SEMA6D: variants seen among roughly 807,000 people sequenced by gnomAD.
The protein encoded by SEMA6D is semaphorin 6D.
A neutral mutation model predicts 106.6 loss-of-function variants in SEMA6D; 35 were observed. The ratio of observed to expected loss-of-function variants is 0.33; its 90% CI spans 0.25 to 0.44. SEMA6D has a LOEUF of 0.44. Among genes scored for constraint, SEMA6D ranks in the 20% least tolerant of loss-of-function variants. SEMA6D has a pLI of 1.00. For missense variants in SEMA6D, 1,185 were observed against 1,345.9 expected (o/e 0.88, Z 1.87); for synonymous variants, 499 against 487.7 (o/e 1.02, Z -0.31).
At position 47,658,018 on chromosome 15, in the gene SEMA6D, G is replaced by A. The variant is rs2077837820; in HGVS notation, c.-55+57122G>A. ...GCCTCCCAAAGTGCTGGGATTACAA[G>A]CGTGAGCCACCACGCCCAGCAGGGC... On this transcript the variant is annotated intron_variant, in intron 4 of 19. Transcript: ENST00000558014. Among the ~76,000 whole-genome samples the A allele has an allele frequency of 2.0e-5, 3 of 151,782 alleles. No homozygotes were observed. The South Asian group carries it at 6.2e-4, about 32-fold the overall frequency.
At chr15:47,732,291 A>G (rs1445605380) in intron 1 of SEMA6D, among the ~76,000 whole-genome samples, 1 of 152,224 alleles carries the variant, frequency 6.6e-6, no homozygotes, top group East Asian at 1.9e-4. Flanking sequence ...CAAAGTCATC[A>G]AAGACTCAGG....
At chr15:47,185,879 G>GA (rs1193700282) in intron 1 of SEMA6D, 1 of 151,880 alleles carries the variant, frequency 6.6e-6, no homozygotes, top group Non-Finnish European at 1.5e-5. Context: ...ATTTTGCTGG[G>GA]AAAAAAATGC....
chr15:47,236,412 A>G (rs1334567764), intron 1 of SEMA6D, among the ~76,000 whole-genome samples: 2 of 152,114 alleles, frequency 1.3e-5, no homozygotes, highest in African/African-American at 4.8e-5. Flanking sequence ...CTAAGTATTT[A>G]ATATTATGAC....
At chr15:47,762,864 C>T (rs1431385435) in intron 8 of SEMA6D, 152 bp from the exon 9 acceptor site, 1 of 577,924 alleles carries the variant, frequency 1.7e-6, no homozygotes, top group Admixed American at 3.2e-5. Flanking sequence ...TGAACACACC[C>T]ATATTGGGAC....
intron 1 of SEMA6D, among the ~76,000 whole-genome samples, chr15:47,258,263 T>C (rs2033907022): frequency 6.6e-6 from 1 of 152,198 alleles, no homozygotes; most frequent in South Asian, 2.1e-4. Context: ...AGATAATTAT[T>C]AATATGTTAG....
intron 1 of SEMA6D, among the ~76,000 whole-genome samples, chr15:47,248,272 C>T (rs1283390558): frequency 3.3e-5 from 5 of 152,148 alleles, no homozygotes; most frequent in African/African-American, 9.7e-5. Flanking sequence ...AAAAACTATT[C>T]AGGAAAGACA....
chr15:47,380,290 T>G (rs1462949390), intron 1 of SEMA6D, among the ~76,000 whole-genome samples: 1 of 152,224 alleles, frequency 6.6e-6, no homozygotes, highest in African/African-American at 2.4e-5. Context: ...TCTCTCTTCT[T>G]TCTAATGACT....
At chr15:47,323,992 A>G (rs1346379947) in intron 1 of SEMA6D, among the ~76,000 whole-genome samples, 3 of 152,084 alleles carry the variant, frequency 2.0e-5, no homozygotes, top group African/African-American at 7.2e-5. Flanking sequence ...TGGCAAAAAA[A>G]AAAAAAAATC....
intron 4 of SEMA6D, among the ~76,000 whole-genome samples, chr15:47,641,199 G>A (rs1294395252): frequency 1.3e-5 from 2 of 152,086 alleles, no homozygotes; most frequent in Non-Finnish European, 2.9e-5. Flanking sequence ...ACTAATGAAT[G>A]GCCATGGCCA....
chr15:47,304,315 G>A (rs181537860), intron 1 of SEMA6D, among the ~76,000 whole-genome samples: 4 of 151,618 alleles, frequency 2.6e-5, no homozygotes, highest in Non-Finnish European at 4.4e-5. Flanking sequence ...GCATGGTGGC[G>A]GGTCCCTGTA....
intron 1 of SEMA6D, among the ~76,000 whole-genome samples, chr15:47,290,837 G>T (rs2035566528): frequency 1.3e-5 from 2 of 152,106 alleles, no homozygotes; most frequent in Non-Finnish European, 2.9e-5. Context: ...CATTCGCATG[G>T]GTGCATAGAG....
chr15:47,291,437 C>T (rs180688447), intron 1 of SEMA6D, among the ~76,000 whole-genome samples: 119 of 152,300 alleles, frequency 7.8e-4, no homozygotes, highest in Middle Eastern at 3.4e-3. Flanking sequence ...ACTGGACTCT[C>T]ACCTGCAGAT....
intron 3 of SEMA6D, among the ~76,000 whole-genome samples, chr15:47,483,645 G>T (rs1007762350): frequency 1.3e-5 from 2 of 151,988 alleles, no homozygotes; most frequent in Non-Finnish European, 2.9e-5. Flanking sequence ...ATTTGTTGAA[G>T]GTTTAAACCT....
chr15:47,514,904 G>C (rs1225697944), intron 3 of SEMA6D, among the ~76,000 whole-genome samples: 1 of 152,050 alleles, frequency 6.6e-6, no homozygotes. Flanking sequence ...AGACCAAGTG[G>C]ATATGACTCT....
intron 3 of SEMA6D, among the ~76,000 whole-genome samples, chr15:47,595,529 G>T (rs905996795): frequency 3.9e-5 from 6 of 152,050 alleles, no homozygotes; most frequent in African/African-American, 1.4e-4. Flanking sequence ...CAGGGATATT[G>T]GTCTGTAATA....
intron 4 of SEMA6D, among the ~76,000 whole-genome samples, chr15:47,692,244 T>C (rs1000160557): frequency 2.0e-5 from 3 of 152,190 alleles, no homozygotes; most frequent in African/African-American, 7.2e-5. Context: ...AAGTCATTGG[T>C]GGTAGAAAGG....
At chr15:47,255,229 A>G (rs1453941405) in intron 1 of SEMA6D, among the ~76,000 whole-genome samples, 1 of 152,078 alleles carries the variant, frequency 6.6e-6, no homozygotes, top group East Asian at 1.9e-4. Flanking sequence ...ATTTGTTGGT[A>G]TACAGTTGTT....
intron 1 of SEMA6D, among the ~76,000 whole-genome samples, chr15:47,197,489 T>C (rs887101306): frequency 6.6e-6 from 1 of 151,384 alleles, no homozygotes; most frequent in Non-Finnish European, 1.5e-5. Flanking sequence ...TCTCAAAGAT[T>C]GAACTTGCAA....
intron 6 of SEMA6D, 32 bp from the exon 7 acceptor site, chr15:47,761,629 T>TA (rs1166563834): frequency 1.3e-6 from 2 of 1,523,234 alleles, no homozygotes; most frequent in Non-Finnish European, 1.8e-6. Flanking sequence ...GTTGAATAGA[T>TA]ATGACACTGG....
Sources: gnomAD v4.1 joint callset for allele counts (sites outside exome capture counted in the v4.1 genomes callset) on GRCh38, gnomAD v4.1.1 for gene constraint, MANE v1.5 for transcripts, NCBI Gene and HGNC (gene_info 2026-07-23, HGNC 2026-07-21) for gene names.